Variants in MARCHF1 observed in about 807,000 individuals in gnomAD.
MARCHF1 encodes the protein E3 ubiquitin-protein ligase MARCHF1.
In MARCHF1, 40 loss-of-function variants were observed where a neutral mutation model predicts 54.2. The observed-to-expected ratio is 0.74, with a 90% CI of 0.57 to 0.96. The LOEUF is 0.96. Ranked by LOEUF, MARCHF1 falls within the 40% of genes least tolerant of loss-of-function variation. The probability of loss-of-function intolerance (pLI) is 0.00; values close to 1 mark genes in which losing one functional copy is unlikely to be tolerated. For synonymous variants in MARCHF1, 236 were observed against 236.3 expected (o/e 1.00, Z 0.01); for missense variants, 586 against 656.5 (o/e 0.89, Z 1.17).
At chr4:164,222,248 T>G (rs1732136292) in intron 1 of MARCHF1, among the ~76,000 whole-genome samples, 1 of 151,630 alleles carries the variant, frequency 6.6e-6, no homozygotes, top group Non-Finnish European at 1.5e-5. Flanking sequence ...GAATAACAAT[T>G]GATATTTTTA....
intron 3 of MARCHF1, among the ~76,000 whole-genome samples, chr4:163,919,110 C>T (rs1039040375): frequency 6.6e-6 from 1 of 152,020 alleles, no homozygotes; most frequent in African/African-American, 2.4e-5. Context: ...TTGATTTCTT[C>T]TGAAGATTGT....
At chr4:163,588,906 T>A (rs1740494977) in intron 7 of MARCHF1, among the ~76,000 whole-genome samples, 2 of 152,126 alleles carry the variant, frequency 1.3e-5, no homozygotes, top group South Asian at 2.1e-4. Context: ...GTATGAATAT[T>A]ATTGACAATA....
rs1741065052 is a variant in MARCHF1, at chr4:163,604,052, T to TC, written c.1010+8218dup. Among the ~76,000 whole-genome samples the TC allele has an allele frequency of 2.0e-5, 3 of 152,090 alleles. No individual in the cohort carries two copies. In the South Asian group the frequency reaches 6.2e-4, roughly 31 times the overall value. ...TGTTCCTTCCCTGCATTGGCTTCTTTCCCCCTCCCAGGGAATATTGAACAT... is the reference window on the plus strand; with the variant it reads ...TGTTCCTTCCCTGCATTGGCTTCTTTCCCCCCTCCCAGGGAATATTGAACAT... On this transcript the variant is annotated intron_variant, in intron 7 of 9. Coordinates refer to ENST00000514618, the MANE Select transcript of MARCHF1 (RefSeq NM_001394959.1).
intron 5 of MARCHF1, among the ~76,000 whole-genome samples, chr4:163,639,692 A>C (rs1052176461): frequency 3.9e-5 from 6 of 152,076 alleles, no homozygotes; most frequent in African/African-American, 1.4e-4. Flanking sequence ...TTGTCACACT[A>C]TTTGGACTTT....
chr4:164,300,400 CTATCTCAA>C, intron 1 of MARCHF1, among the ~76,000 whole-genome samples: 2 of 152,262 alleles, frequency 1.3e-5, no homozygotes, highest in South Asian at 4.1e-4. Flanking sequence ...CTAGCCATGA[CTATCTCAA>C]TATAACATAA....
At chr4:164,347,603 C>T (rs113206720) in intron 1 of MARCHF1, among the ~76,000 whole-genome samples, 6 of 152,200 alleles carry the variant, frequency 3.9e-5, no homozygotes, top group South Asian at 4.1e-4. Context: ...AGATATCCAC[C>T]GTGCTGCCAT....
At chr4:163,690,519 AG>A (rs1460018464) in intron 5 of MARCHF1, among the ~76,000 whole-genome samples, 1 of 152,202 alleles carries the variant, frequency 6.6e-6, no homozygotes, top group Non-Finnish European at 1.5e-5. Flanking sequence ...CCTTCCTCAG[AG>A]GCCATCCAAA....
At chr4:163,921,964 C>T (rs1186780571) in intron 3 of MARCHF1, among the ~76,000 whole-genome samples, 1 of 151,964 alleles carries the variant, frequency 6.6e-6, no homozygotes, top group Non-Finnish European at 1.5e-5. Context: ...AACTTGGAAC[C>T]AACCCAAATG....
At position 163,943,770 on chromosome 4, in the gene MARCHF1, A is replaced by T. The variant is rs1024154991; in HGVS notation, c.-39+44731T>A. On this transcript the variant is annotated intron_variant, in intron 3 of 9. Transcript: ENST00000514618. ...AGTTAAAAAAAAAAAAAAAAAAAAA[A>T]GACCACACCTCCATCCCTGGGCTTG... Among the ~76,000 whole-genome samples, 167 of 125,934 alleles carry T rather than the reference A, an allele frequency of 1.3e-3. 1 individual carries two copies. The highest frequency in any genetic ancestry group is 4.8e-3 in the African/African-American group (164 of 34,440). 82.6% of individuals were successfully genotyped at this position (125,934 alleles called of 152,430 possible).
chr4:163,828,058 C>G (rs199872394), intron 4 of MARCHF1, among the ~76,000 whole-genome samples: 4 of 145,222 alleles, frequency 2.8e-5, no homozygotes, highest in Non-Finnish European at 6.1e-5. Flanking sequence ...CACACACAGA[C>G]ACACCTTGTC....
At chr4:163,721,644 A>G (rs1375306940) in intron 4 of MARCHF1, among the ~76,000 whole-genome samples, 3 of 152,030 alleles carry the variant, frequency 2.0e-5, no homozygotes, top group East Asian at 1.9e-4. Context: ...ATTCGGCTGT[A>G]AATCCATCTG....
intron 3 of MARCHF1, among the ~76,000 whole-genome samples, chr4:163,956,926 T>A: frequency 6.6e-6 from 1 of 152,088 alleles, no homozygotes. Context: ...GGCTAACCCA[T>A]CCTCACTTAA....
At chr4:164,094,223 T>A (rs1360379413) in intron 2 of MARCHF1, among the ~76,000 whole-genome samples, 1 of 152,124 alleles carries the variant, frequency 6.6e-6, no homozygotes, top group East Asian at 1.9e-4. Flanking sequence ...TAATTTAAAC[T>A]CTAATCCTCT....
At chr4:163,882,400 T>C (rs1750435841) in intron 3 of MARCHF1, among the ~76,000 whole-genome samples, 2 of 152,194 alleles carry the variant, frequency 1.3e-5, no homozygotes, top group Admixed American at 1.3e-4. Flanking sequence ...TTCTAAGCTA[T>C]TGAATCTAAA....
At chr4:163,659,368 G>A (rs1300943963) in intron 5 of MARCHF1, among the ~76,000 whole-genome samples, 3 of 151,994 alleles carry the variant, frequency 2.0e-5, no homozygotes, top group Admixed American at 6.6e-5. Context: ...AACAGAAACT[G>A]GACCCCTTCC....
At chr4:163,829,306 C>T (rs1168179677) in intron 4 of MARCHF1, among the ~76,000 whole-genome samples, 2 of 152,128 alleles carry the variant, frequency 1.3e-5, no homozygotes, top group African/African-American at 4.8e-5. Flanking sequence ...ATGGTAAGAA[C>T]TTTTCCATGC....
chr4:163,750,767 A>T (rs1214652851), intron 4 of MARCHF1, among the ~76,000 whole-genome samples: 1 of 152,128 alleles, frequency 6.6e-6, no homozygotes, highest in Non-Finnish European at 1.5e-5. Flanking sequence ...TCTTGAACAA[A>T]GGAGCAAAAT....
chr4:163,694,668 G>C (rs1744565088), intron 5 of MARCHF1, among the ~76,000 whole-genome samples: 1 of 152,088 alleles, frequency 6.6e-6, no homozygotes, highest in Admixed American at 6.6e-5. Flanking sequence ...ACCTAAGACA[G>C]ATTCCTATTA....
chr4:164,038,910 A>T (rs1754067677), intron 2 of MARCHF1, among the ~76,000 whole-genome samples: 1 of 152,182 alleles, frequency 6.6e-6, no homozygotes, highest in Non-Finnish European at 1.5e-5. Flanking sequence ...CCCCTCAATA[A>T]TTTACATAAT....
Sources: gnomAD v4.1 joint callset for allele counts (sites outside exome capture counted in the v4.1 genomes callset) on GRCh38, gnomAD v4.1.1 for gene constraint, MANE v1.5 for transcripts, NCBI Gene and HGNC (gene_info 2026-07-23, HGNC 2026-07-21) for gene names.